Variants in SPTBN4 observed in about 807,000 individuals in gnomAD.
SPTBN4 encodes the protein spectrin beta, non-erythrocytic 4.
Under a neutral mutation model 277.8 loss-of-function variants are expected in SPTBN4, and 96 were observed. The observed-to-expected ratio is 0.35, with a 90% confidence interval of 0.29 to 0.41. SPTBN4 has a LOEUF of 0.41. Among genes scored for constraint, SPTBN4 ranks in the 10% least tolerant of loss-of-function variants. The probability of loss-of-function intolerance (pLI) is 1.00; values close to 1 mark genes in which losing one functional copy is unlikely to be tolerated. For missense variants in SPTBN4, 3,006 were observed against 3,595.7 expected (o/e 0.84, Z 4.19); for synonymous variants, 1,481 against 1,580.3 (o/e 0.94, Z 1.49).
chr19:40,496,734 A>C (rs2080201445), intron 6 of SPTBN4, among the ~76,000 whole-genome samples: 1 of 152,124 alleles, frequency 6.6e-6, no homozygotes, highest in South Asian at 2.1e-4. Context: ...ACCACTGCAT[A>C]ACACTACATA....
At chr19:40,539,658 T>G (rs1005589154) in intron 20 of SPTBN4, among the ~76,000 whole-genome samples, 2 of 151,926 alleles carry the variant, frequency 1.3e-5, no homozygotes, top group African/African-American at 4.8e-5. Context: ...TTTTGTATTT[T>G]TAGTAGAGAC....
At chr19:40,540,442 A>G (rs1272411214) in intron 20 of SPTBN4, among the ~76,000 whole-genome samples, 4 of 151,672 alleles carry the variant, frequency 2.6e-5, no homozygotes, top group Non-Finnish European at 4.4e-5. Flanking sequence ...GGGTCTCACT[A>G]TGTTACCCAG....
In SPTBN4 at chr19:40,467,043, C is replaced by A. The variant is rs45496095; in HGVS notation, c.-278C>A. 0.019 allele frequency among the ~76,000 whole-genome samples: 2,925 copies of A among 151,268 alleles called. 40 individuals carry two copies. The highest frequency in any genetic ancestry group is 0.029 in the Non-Finnish European group (1,966 of 67,732). ...GCAGCCGTGCACCCCACGCCGCGGC[C>A]GGGTGTGACTGCGCGTGGGCCTCGG... On this transcript the variant is annotated 5_prime_UTR_variant, in exon 1 of 36. Transcript: ENST00000598249.
At chr19:40,531,647 G>A (rs887278540) in intron 18 of SPTBN4, among the ~76,000 whole-genome samples, 1 of 151,378 alleles carries the variant, frequency 6.6e-6, no homozygotes, top group Non-Finnish European at 1.5e-5. Flanking sequence ...GTTGGGGGAG[G>A]CTCAAAAAGC....
In SPTBN4 at chr19:40,519,618, C is replaced by G. The variant is rs1377850830; in HGVS notation, c.3121C>G (p.Leu1041Val). 6.9e-7 allele frequency: 1 copy of G among 1,448,738 alleles called. No individual in the cohort carries two copies. The highest frequency in any genetic ancestry group is 2.9e-5 in the East Asian group (1 of 34,562). The allele number at this position is 1,448,738 out of a possible 1,614,324, so 89.7% of individuals were successfully genotyped here. ...LQALEPRQAA[L>V]LEEAALLAER... ...GGCGCTGGAGCCGCGCCAGGCGGCC[C>G]TTCTGGAGGAGGCAGCCCTGCTGGC... Residue 1041 changes from leucine (L) to valine (V), a missense_variant, in exon 16 of 36, where the codon CTT becomes GTT. Around this residue, in one of 5 missense-constraint regions of SPTBN4, gnomAD observed 1,759 missense variants for 2,061.5 expected, o/e 0.85. Coordinates refer to ENST00000598249, the MANE Select transcript of SPTBN4 (RefSeq NM_020971.3). The surrounding 1 kb of genome is among the most constrained non-coding windows in gnomAD (Gnocchi z 5.7).
At chr19:40,570,009 CAGACACAGAT>C (rs2081138077) in intron 32 of SPTBN4, among the ~76,000 whole-genome samples, 2 of 150,298 alleles carry the variant, frequency 1.3e-5, no homozygotes, top group Non-Finnish European at 3.0e-5. Flanking sequence ...CACAGACACA[CAGACACAGAT>C]ACACACACAG....
intron 1 of SPTBN4, among the ~76,000 whole-genome samples, chr19:40,468,350 G>A (rs1038875313): frequency 1.3e-5 from 2 of 152,108 alleles, no homozygotes; most frequent in African/African-American, 2.4e-5. Context: ...AAAGTGCTGG[G>A]ATTATAGGCG....
chr19:40,561,445 C>T (rs1407602188), intron 27 of SPTBN4, among the ~76,000 whole-genome samples: 1 of 152,232 alleles, frequency 6.6e-6, no homozygotes. Context: ...GTATTAAATG[C>T]ATATGGTGTG....
At chr19:40,504,158 GGTGGAGTGCCAGGA>G in intron 12 of SPTBN4, 26 bp downstream of exon 12, 1 of 1,309,516 alleles carries the variant, frequency 7.6e-7, no homozygotes, top group Non-Finnish European at 1.1e-6. Flanking sequence ...CGGGGATGCG[GGTGGAGTGCCAGGA>G]GGGAGGGGAG....
intron 15 of SPTBN4, among the ~76,000 whole-genome samples, chr19:40,517,297 T>C (rs1396646533): frequency 2.0e-5 from 3 of 151,964 alleles, no homozygotes; most frequent in Non-Finnish European, 2.9e-5. Context: ...CTTTTTTTTT[T>C]TTTCTTTCTT....
At chr19:40,572,470 G>A (rs1419296545) in intron 35 of SPTBN4, 90 bp downstream of exon 35, 4 of 1,494,780 alleles carry the variant, frequency 2.7e-6, no homozygotes, top group Non-Finnish European at 3.7e-6. Context: ...GCTGTGAGAA[G>A]GGACACTCAC....
At chr19:40,505,733 AG>A (rs2145853638) in intron 12 of SPTBN4, among the ~76,000 whole-genome samples, 1 of 151,456 alleles carries the variant, frequency 6.6e-6, no homozygotes, top group African/African-American at 2.4e-5. Flanking sequence ...GAAGGAAGGA[AG>A]GAAGGAAGGA....
intron 18 of SPTBN4, among the ~76,000 whole-genome samples, chr19:40,530,249 C>T (rs1347977938): frequency 6.6e-6 from 1 of 152,126 alleles, no homozygotes; most frequent in Non-Finnish European, 1.5e-5. Flanking sequence ...GGCGCTCCCT[C>T]CCGGCATTAG....
chr19:40,504,474 C>T (rs1321030350), intron 12 of SPTBN4, among the ~76,000 whole-genome samples: 1 of 152,136 alleles, frequency 6.6e-6, no homozygotes, highest in East Asian at 1.9e-4. Flanking sequence ...TCAGACCAGC[C>T]TGGCCAACAT....
rs982635720 is a variant in SPTBN4 at position 40,549,422 on chromosome 19, A to G, written c.4584+9A>G. 1.1e-5 allele frequency: 9 copies of G among 793,046 alleles called. No homozygotes were observed. The highest frequency in any genetic ancestry group is 3.5e-5 in the South Asian group (2 of 57,222). The allele number at this position is 793,046 out of a possible 1,614,324, so 49.1% of individuals were successfully genotyped here. ...ACCTGGACGACGAGCTGGTGAGGCC[A>G]GCGCAGGGGCCTGGGGCGGGGCGGG... is the stretch of plus-strand genomic sequence containing the variant. On this transcript the variant is annotated intron_variant, in intron 21 of 35. Coordinates refer to ENST00000598249, the MANE Select transcript of SPTBN4 (RefSeq NM_020971.3).
intron 11 of SPTBN4, among the ~76,000 whole-genome samples, 189 bp from the exon 12 acceptor site, chr19:40,503,641 A>G (rs1347934432): frequency 2.1e-5 from 3 of 145,920 alleles, no homozygotes; most frequent in Admixed American, 1.4e-4. Flanking sequence ...CAAGGTAACA[A>G]TGGAGGGTGG....
At chr19:40,495,055 T>A in intron 6 of SPTBN4, 78 bp downstream of exon 6, 7 of 1,320,902 alleles carry the variant, frequency 5.3e-6, no homozygotes, top group Non-Finnish European at 7.6e-6. Flanking sequence ...GTACATGTAC[T>A]TGTGTAGATG....
At chr19:40,507,582 T>C (rs767675676) in intron 13 of SPTBN4, among the ~76,000 whole-genome samples, 6 of 151,610 alleles carry the variant, frequency 4.0e-5, no homozygotes, top group Admixed American at 2.0e-4. Flanking sequence ...CGGTGGCTCA[T>C]GCTTGTAATC....
At chr19:40,559,612 C>A (rs2081020978) in intron 26 of SPTBN4, among the ~76,000 whole-genome samples, 1 of 152,168 alleles carries the variant, frequency 6.6e-6, no homozygotes, top group Admixed American at 6.6e-5. Context: ...TGTGCCACTG[C>A]ACTGCAGCCT....
Sources: gnomAD v4.1 joint callset for allele counts (sites outside exome capture counted in the v4.1 genomes callset) on GRCh38, gnomAD v4.1.1 for gene constraint, gnomAD v4.1.1 regional missense constraint, Gnocchi (gnomAD v3.1) non-coding constraint, MANE v1.5 for transcripts, NCBI Gene and HGNC (gene_info 2026-07-23, HGNC 2026-07-21) for gene names.